The following NT5C2 variants were observed in gnomAD, a reference collection of about 807,000 sequenced individuals.
The protein encoded by NT5C2 is 5'-nucleotidase, cytosolic II.
A neutral mutation model predicts 76.1 loss-of-function variants in NT5C2; 58 were observed. The ratio of observed to expected loss-of-function variants is 0.76; its 90% CI spans 0.62 to 0.95. The LOEUF is 0.95. Among genes scored for constraint, NT5C2 ranks in the 40% least tolerant of loss-of-function variants. NT5C2 has a pLI of 0.00. For missense variants in NT5C2, 478 were observed against 690.3 expected (o/e 0.69, Z 3.45); for synonymous variants, 229 against 237.4 (o/e 0.96, Z 0.32).
At chr10:103,118,402 G>A (rs945583868) in intron 4 of NT5C2, among the ~76,000 whole-genome samples, 2 of 147,082 alleles carry the variant, frequency 1.4e-5, no homozygotes, top group African/African-American at 5.1e-5. Context: ...TGTAGCCCAG[G>A]CTGAAGTGCA....
chr10:103,153,502 T>C (rs2082762295), intron 3 of NT5C2: 1 of 985,200 alleles, frequency 1.0e-6, no homozygotes, highest in Non-Finnish European at 1.2e-6. Context: ...ACTTGAAAAC[T>C]TAAGAATAAT....
chr10:103,141,792 AG>A (rs2080468573), intron 3 of NT5C2, among the ~76,000 whole-genome samples: 1 of 152,362 alleles, frequency 6.6e-6, no homozygotes, highest in African/African-American at 2.4e-5. Flanking sequence ...ATTGAACAAA[AG>A]ACTGTACCAG....
intron 3 of NT5C2, among the ~76,000 whole-genome samples, chr10:103,166,728 T>C (rs12763944): frequency 0.092 from 13,885 of 150,774 alleles, 883 homozygotes; most frequent in Non-Finnish European, 0.14. Context: ...TCAAAACTCA[T>C]TGCAACCTCA....
chr10:103,148,338 C>T (rs2081850494), intron 3 of NT5C2, among the ~76,000 whole-genome samples: 1 of 152,210 alleles, frequency 6.6e-6, no homozygotes, highest in Non-Finnish European at 1.5e-5. Context: ...TGCGGTGGCT[C>T]ACGCCTGTAA....
At chr10:103,136,627 T>TTA (rs147614776) in intron 4 of NT5C2, among the ~76,000 whole-genome samples, 161 of 57,660 alleles carry the variant, frequency 2.8e-3, no homozygotes, top group Non-Finnish European at 5.1e-3. Flanking sequence ...CAGTTAATTA[T>TTA]TTTTTTTTTT....
chr10:103,144,695 T>C (rs1178300843), intron 3 of NT5C2, among the ~76,000 whole-genome samples: 1 of 152,200 alleles, frequency 6.6e-6, no homozygotes, highest in Non-Finnish European at 1.5e-5. Context: ...CCTAGTCACA[T>C]TAACTATTCA....
intron 4 of NT5C2, among the ~76,000 whole-genome samples, chr10:103,137,068 GT>G (rs1279283403): frequency 5.3e-5 from 8 of 152,134 alleles, no homozygotes; most frequent in Non-Finnish European, 1.2e-4. Flanking sequence ...CTATTTCAAT[GT>G]AAAGAGATTG....
intron 4 of NT5C2, among the ~76,000 whole-genome samples, chr10:103,114,395 C>T (rs1052014520): frequency 5.3e-5 from 8 of 151,706 alleles, no homozygotes; most frequent in East Asian, 1.9e-4. Flanking sequence ...GGTGACAGAG[C>T]GAGACTCTGT....
chr10:103,154,054 T>G (rs994071611), intron 3 of NT5C2, among the ~76,000 whole-genome samples: 3 of 152,090 alleles, frequency 2.0e-5, no homozygotes, highest in Admixed American at 6.6e-5. Flanking sequence ...AAAGGTTAAT[T>G]CCAAATCTCA....
At chr10:103,126,734 T>C (rs1045246195) in intron 4 of NT5C2, among the ~76,000 whole-genome samples, 1 of 152,208 alleles carries the variant, frequency 6.6e-6, no homozygotes, top group Non-Finnish European at 1.5e-5. Context: ...TATAAACTCA[T>C]CTGTACTCGA....
chr10:103,124,662 T>A (rs1247653658), intron 4 of NT5C2, among the ~76,000 whole-genome samples: 3 of 151,748 alleles, frequency 2.0e-5, no homozygotes, highest in Non-Finnish European at 2.9e-5. Flanking sequence ...CCCCACCTTT[T>A]AAAAAAATTA....
intron 3 of NT5C2, among the ~76,000 whole-genome samples, chr10:103,156,589 C>G (rs1292489188): frequency 6.6e-6 from 1 of 151,222 alleles, no homozygotes; most frequent in African/African-American, 2.4e-5. Flanking sequence ...AACCCCATCT[C>G]TACTAAAAAT....
chr10:103,170,307 C>T (rs916175515), intron 3 of NT5C2, among the ~76,000 whole-genome samples: 6 of 152,050 alleles, frequency 3.9e-5, no homozygotes, highest in African/African-American at 1.4e-4. Flanking sequence ...GAGACCCTGC[C>T]TCTTTAAATA....
At chr10:103,099,112 GC>G in intron 9 of NT5C2, 128 bp from the exon 10 acceptor site, 1 of 741,524 alleles carries the variant, frequency 1.3e-6, no homozygotes, top group Non-Finnish European at 2.3e-6. Context: ...TCACCCTGTT[GC>G]CCATGCTAGA....
chr10:103,192,188 T>C lies in NT5C2; in HGVS notation c.-169+1048A>G, dbSNP rs557861787. On this transcript the variant is annotated intron_variant, in intron 1 of 18. Transcript: ENST00000404739. ...CATTATGGTCAGTAGTTTGCATTCG[T>C]TGCTTGAAGAGGCGAAATGAATAGT... is the stretch of plus-strand genomic sequence containing the variant. Among the ~76,000 whole-genome samples, 174 of 152,314 alleles carry C rather than the reference T, an allele frequency of 1.1e-3. 5 individuals carry two copies. In the South Asian group the frequency reaches 0.034, roughly 30 times the overall value.
At position 103,089,652 on chromosome 10, in the gene NT5C2, T is replaced by C; in HGVS notation, c.*20A>G. The C allele has an allele frequency of 1.3e-6, 2 of 1,574,440 alleles. No individual in the cohort carries two copies. The highest frequency in any genetic ancestry group is 1.7e-6 in the Non-Finnish European group (2 of 1,160,326). ...TGCCAGGACTTGTTTAATGGGTGCT[T>C]GGGGTTTTGGTTTTCCTCCTTATTC... On this transcript the variant is annotated 3_prime_UTR_variant, in exon 19 of 19. Coordinates refer to ENST00000404739, the MANE Select transcript of NT5C2 (RefSeq NM_001351169.2).
At chr10:103,156,546 G>A (rs2133924881) in intron 3 of NT5C2, among the ~76,000 whole-genome samples, 1 of 150,914 alleles carries the variant, frequency 6.6e-6, no homozygotes, top group East Asian at 2.0e-4. Flanking sequence ...CCTGAGGTCA[G>A]GAGTTCTAAG....
chr10:103,115,282 G>A (rs2074060383), intron 4 of NT5C2, among the ~76,000 whole-genome samples: 1 of 152,098 alleles, frequency 6.6e-6, no homozygotes, highest in Non-Finnish European at 1.5e-5. Context: ...TGCATCTGTA[G>A]TCCCAGCTAC....
intron 4 of NT5C2, among the ~76,000 whole-genome samples, chr10:103,117,140 C>G (rs2074536332): frequency 6.6e-6 from 1 of 152,094 alleles, no homozygotes; most frequent in African/African-American, 2.4e-5. Context: ...AAACAAACTA[C>G]AAATGACGAG....
Sources: allele counts gnomAD v4.1 joint callset (sites outside exome capture counted in the v4.1 genomes callset), GRCh38; gene constraint gnomAD v4.1.1; transcripts MANE v1.5; gene names NCBI Gene and HGNC (gene_info 2026-07-23, HGNC 2026-07-21).